Variants in ITGA10 observed in about 807,000 individuals in gnomAD.
ITGA10 encodes the protein integrin subunit alpha 10.
A neutral mutation model predicts 145.2 loss-of-function variants in ITGA10; 105 were observed. The ratio of observed to expected loss-of-function variants is 0.72; its 90% confidence interval spans 0.62 to 0.85. The LOEUF (loss-of-function observed/expected upper bound fraction) is 0.85, where lower values mean the gene tolerates loss of function less well. ITGA10 is among the 40% of genes least tolerant of loss of function. The probability of loss-of-function intolerance (pLI) is 0.00; values close to 1 mark genes in which losing one functional copy is unlikely to be tolerated. For missense variants in ITGA10, 1,317 were observed against 1,444.5 expected, an observed-to-expected ratio of 0.91 and a Z score of 1.43; for synonymous variants, 506 against 557.8, an observed-to-expected ratio of 0.91 and a Z score of 1.31.
chr1:145,896,303 C>T lies in ITGA10; in HGVS notation c.2884G>A (p.Val962Met), dbSNP rs1655391655. 2 of 1,614,188 alleles carry T rather than the reference C, an allele frequency of 1.2e-6. No homozygotes were observed. Among genetic ancestry groups the T allele is most frequent in the Middle Eastern group, 1.6e-4 (1 of 6,062 alleles). Residue 962 changes from valine to methionine, a missense_variant, in exon 24 of 30, where the codon GTG becomes ATG. Transcript: ENST00000369304. The stretch of plus-strand genomic sequence containing the variant: ...GTTTTGAATTCTGGGCCAGGACCCA[C>T]TGGGAGGGTCCCATATGGGTGAACC... Reference protein sequence around the residue: ...YEVHPYGTLPVGPGPEFKTTL... With the variant: ...YEVHPYGTLPMGPGPEFKTTL...
At position 145,901,768 on chromosome 1, in the gene ITGA10, G is replaced by A. The variant is rs1428204608; in HGVS notation, c.1295-104C>T. 3.2e-6 allele frequency: 5 copies of A among 1,550,664 alleles called. No homozygotes were observed. Among genetic ancestry groups the A allele is most frequent in the African/African-American group, 1.4e-5 (1 of 73,690 alleles). On this transcript the variant is annotated intron_variant, in intron 11 of 29. Coordinates refer to ENST00000369304, the MANE Select transcript of ITGA10 (RefSeq NM_003637.5). The surrounding 1 kb of genome is among the most constrained non-coding windows in gnomAD (Gnocchi z 4.3). ...GGAGGTCCCAAGGGAAGTAACCAGA[G>A]GTCAGTGAGAAACCGCATGAGTTAA...
rs782011185 is a variant in ITGA10, at chr1:145,893,655, G to A, written c.3229-20C>T. 1 of 1,587,764 alleles carries A rather than the reference G, an allele frequency of 6.3e-7. No homozygotes were observed. Among genetic ancestry groups the A allele is most frequent in the East Asian group, 2.2e-5 (1 of 44,666 alleles). ...CTTGGCCTATGGAACAAGTGGATAG[G>A]AAGACATTTAAAATGAGCCATTATC... On this transcript the variant is annotated intron_variant, in intron 27 of 29. Coordinates refer to ENST00000369304, the MANE Select transcript of ITGA10 (RefSeq NM_003637.5).
chr1:145,910,003 G>A lies in ITGA10; in HGVS notation c.12C>T (p.Pro4=). ...GGGGCAAGAACAGGTGAGTGACGAAGGGGAGTTCCATGCCTGATCGGTTTC... is the reference window on the plus strand; with the variant it reads ...GGGGCAAGAACAGGTGAGTGACGAAAGGGAGTTCCATGCCTGATCGGTTTC... MEL[P]FVTHLFLPLV... The change falls in exon 1 of 30, where the codon CCC becomes CCT. Residue 4 remains proline (P), a synonymous_variant. Transcript: ENST00000369304. 2 of 1,613,188 alleles carry A rather than the reference G, an allele frequency of 1.2e-6. No individual in the cohort carries two copies. The highest frequency in any genetic ancestry group is 1.7e-6 in the Non-Finnish European group (2 of 1,179,402).
chr1:145,899,952 G>T, intron 15 of ITGA10, 105 bp downstream of exon 15: 1 of 1,160,764 alleles, frequency 8.6e-7, no homozygotes, highest in Non-Finnish European at 1.2e-6. Context: ...TGGAGGCACA[G>T]AGTAAGTTGA....
chr1:145,893,745 T>A, intron 27 of ITGA10, 110 bp from the exon 28 acceptor site: 1 of 750,390 alleles, frequency 1.3e-6, no homozygotes, highest in Non-Finnish European at 2.2e-6. Context: ...TGTTGAGGGC[T>A]CTCAAGACCA....
chr1:145,892,138 G>A lies in ITGA10; in HGVS notation c.*660C>T, dbSNP rs1403484645. On this transcript the variant is annotated 3_prime_UTR_variant, in exon 30 of 30. Coordinates refer to ENST00000369304, the MANE Select transcript of ITGA10 (RefSeq NM_003637.5). ...CAGCTCTGTTTCACCAACACCTGAGGGCGGTCGAGTGCACTACAGGTCTCA... is the reference window on the plus strand; with the variant it reads ...CAGCTCTGTTTCACCAACACCTGAGAGCGGTCGAGTGCACTACAGGTCTCA... 1 of 152,738 alleles carries A rather than the reference G, an allele frequency of 6.5e-6. No homozygotes were observed. Among genetic ancestry groups the A allele is most frequent in the Non-Finnish European group, 1.5e-5 (1 of 68,128 alleles). The allele number at this position is 152,738 out of a possible 1,614,324, so 9.5% of individuals were successfully genotyped here.
rs1559194785 is a variant in ITGA10 at position 145,897,573 on chromosome 1, T to C, written c.2513A>G (p.Tyr838Cys). ...TTLENRKENA[Y>C]NTSLSLIFSR... Reference sequence around the variant, plus strand: ...GAAGATGAGACTCAGGCTCGTATTGTAAGCATTTTCCTTTCTGTTCTCCAG... The same window carrying C: ...GAAGATGAGACTCAGGCTCGTATTGCAAGCATTTTCCTTTCTGTTCTCCAG... Residue 838 changes from tyrosine (Y) to cysteine (C), a missense_variant, in exon 20 of 30, where the codon TAC (tyrosine) becomes TGC (cysteine). Tyr to Cys is a radical substitution (Grantham distance 194). Coordinates refer to ENST00000369304, the MANE Select transcript of ITGA10 (RefSeq NM_003637.5). The C allele has an allele frequency of 4.3e-6, 7 of 1,614,048 alleles. No individual in the cohort carries two copies. The highest frequency in any genetic ancestry group is 5.9e-6 in the Non-Finnish European group (7 of 1,180,036).
intron 1 of ITGA10, among the ~76,000 whole-genome samples, chr1:145,909,545 TTATATATTATA>T (rs1326691942): frequency 7.4e-6 from 1 of 135,928 alleles, no homozygotes; most frequent in Non-Finnish European, 1.5e-5. Context: ...TATAATTATG[TTATATATTATA>T]TGTATATTAT....
chr1:145,907,555 A>G (rs1316448567), intron 1 of ITGA10, 90 bp from the exon 2 acceptor site: 2 of 1,564,678 alleles, frequency 1.3e-6, no homozygotes, highest in Non-Finnish European at 1.7e-6. Context: ...TCTTAATCTC[A>G]GTCTGCCTGC....
At position 145,896,838 on chromosome 1, in the gene ITGA10, C is replaced by T; in HGVS notation, c.2765G>A (p.Gly922Glu). ...CTGGGCTGTGTTATCTTGAAGGGTC[C>T]CATTTCTCTCCAGGCTGTCACTGTA... Reference protein sequence around the residue: ...TASSDSLERNGTLQDNTAQTS... With the variant: ...TASSDSLERNETLQDNTAQTS... The change falls in exon 23 of 30, where the codon GGG becomes GAG. Residue 922 changes from glycine (G) to glutamate (E), a missense_variant. By Grantham distance (98) the Gly-to-Glu change is moderately conservative. Transcript: ENST00000369304. The T allele has an allele frequency of 6.2e-7, 1 of 1,613,876 alleles. No homozygotes were observed. Among genetic ancestry groups the T allele is most frequent in the South Asian group, 1.1e-5 (1 of 91,064 alleles).
In ITGA10 at chr1:145,907,597, C is replaced by T. The variant is rs587652358; in HGVS notation, c.53-132G>A. 2.3e-4 allele frequency: 338 copies of T among 1,480,846 alleles called. 2 individuals carry two copies. In the East Asian group the frequency reaches 7.9e-3, roughly 35 times the overall value. 91.7% of individuals were successfully genotyped at this position (1,480,846 alleles called of 1,614,324 possible). On this transcript the variant is annotated intron_variant, in intron 1 of 29. Coordinates refer to ENST00000369304, the MANE Select transcript of ITGA10 (RefSeq NM_003637.5). Reference sequence around the variant, plus strand: ...TTTCACTCATAAGCTTTTCTGGCCTCTCTCAGTGTCATGTACTCAGAGCTC... The same window carrying T: ...TTTCACTCATAAGCTTTTCTGGCCTTTCTCAGTGTCATGTACTCAGAGCTC...
chr1:145,896,701 G>A (rs903231889), intron 23 of ITGA10, 68 bp downstream of exon 23: 1 of 1,295,252 alleles, frequency 7.7e-7, no homozygotes, highest in South Asian at 1.2e-5. Context: ...ACATGGAAGG[G>A]GAGGGAAGCA....
chr1:145,902,913 C>T lies in ITGA10; in HGVS notation c.807G>A (p.Arg269=). The T allele has an allele frequency of 6.2e-6, 10 of 1,613,690 alleles. No homozygotes were observed. Among genetic ancestry groups the T allele is most frequent in the Non-Finnish European group, 8.5e-6 (10 of 1,179,796 alleles). The change falls in exon 8 of 30, where the codon AGG becomes AGA. Residue 269 remains arginine, a synonymous_variant. Transcript: ENST00000369304. ...QSHGGRPEAA[R]LLVVVTDGES... is the part of the protein sequence containing the mutation. ...CTCCATCAGTGACAACCACCAGTAG[C>T]CTGGCAGCCTCGGGTCGGCCCCCAT...
At position 145,897,812 on chromosome 1, in the gene ITGA10, A is replaced by C; in HGVS notation, c.2432+3T>G. Reference sequence around the variant, plus strand: ...TGGTTTGCCTAGTACATGTCCATCCAACCTGGAGCCTCTGATGTCCATATT... The same window carrying C: ...TGGTTTGCCTAGTACATGTCCATCCCACCTGGAGCCTCTGATGTCCATATT... On this transcript the variant is annotated splice_donor_region_variant and intron_variant, in intron 19 of 29. Transcript: ENST00000369304. 6.2e-7 allele frequency: 1 copy of C among 1,613,836 alleles called. No individual in the cohort carries two copies. The highest frequency in any genetic ancestry group is 1.1e-5 in the South Asian group (1 of 91,068).
rs782810656 is a variant in ITGA10 at position 145,901,472 on chromosome 1, G to A, written c.1443+44C>T. The A allele has an allele frequency of 2.0e-6, 3 of 1,529,696 alleles. No homozygotes were observed. Among genetic ancestry groups the A allele is most frequent in the African/African-American group, 1.4e-5 (1 of 72,182 alleles). 94.8% of individuals were successfully genotyped at this position (1,529,696 alleles called of 1,614,324 possible). ...CACACTCCTCCCCAACAGCCCAGAG[G>A]TCCCTGGGAATCCAAAGGTCCCACC... is the stretch of plus-strand genomic sequence containing the variant. On this transcript the variant is annotated intron_variant, in intron 12 of 29. Coordinates refer to ENST00000369304, the MANE Select transcript of ITGA10 (RefSeq NM_003637.5). This position sits in a 1 kb window ranked among gnomAD's most constrained non-coding sequence, Gnocchi z 4.3.
At chr1:145,900,210 T>A in intron 14 of ITGA10, 23 bp from the exon 15 acceptor site, 3 of 1,603,586 alleles carry the variant, frequency 1.9e-6, no homozygotes, top group Non-Finnish European at 1.7e-6. Flanking sequence ...GAGAGAATAC[T>A]GAGGCAGGGA....
At chr1:145,907,543 C>T (rs1253527750) in intron 1 of ITGA10, 78 bp from the exon 2 acceptor site, 6 of 1,582,992 alleles carry the variant, frequency 3.8e-6, no homozygotes, top group African/African-American at 2.7e-5. Flanking sequence ...TGTGAGGAAG[C>T]GTCTTAATCT....
chr1:145,904,456 A>G (rs1656830640), intron 6 of ITGA10, among the ~76,000 whole-genome samples: 1 of 151,858 alleles, frequency 6.6e-6, no homozygotes, highest in East Asian at 1.9e-4. Context: ...TACAGCCTCA[A>G]ACTCCTGGGC....
At chr1:145,908,400 G>A (rs587690105) in intron 1 of ITGA10, among the ~76,000 whole-genome samples, 1 of 152,148 alleles carries the variant, frequency 6.6e-6, no homozygotes, top group Non-Finnish European at 1.5e-5. Flanking sequence ...CTTTCCAAGG[G>A]TCCCATCATC....
Sources: gnomAD v4.1 joint callset for allele counts (sites outside exome capture counted in the v4.1 genomes callset) on GRCh38, gnomAD v4.1.1 for gene constraint, Gnocchi (gnomAD v3.1) non-coding constraint, MANE v1.5 for transcripts, NCBI Gene and HGNC (gene_info 2026-07-23, HGNC 2026-07-21) for gene names.